GULP1: variants seen among roughly 807,000 people sequenced by gnomAD.
The protein encoded by GULP1 is PTB domain-containing engulfment adapter protein 1.
A neutral mutation model predicts 40.9 loss-of-function variants in GULP1; 19 were observed. The observed-to-expected ratio is 0.46, with a 90% confidence interval of 0.32 to 0.68. GULP1 has a LOEUF of 0.68. GULP1 is among the 30% of genes least tolerant of loss of function. The pLI, the probability that GULP1 is intolerant of heterozygous loss-of-function variation, is 0.03. For synonymous variants in GULP1, 119 were observed against 117.6 expected (o/e 1.01, Z -0.08); for missense variants, 312 against 362.2 (o/e 0.86, Z 1.12).
chr2:188,555,784 G>A (rs1425763202), intron 7 of GULP1, among the ~76,000 whole-genome samples: 2 of 152,042 alleles, frequency 1.3e-5, no homozygotes, highest in East Asian at 3.9e-4. Flanking sequence ...ATCTAGGCTG[G>A]GTGTGGTGGC....
At chr2:188,504,043 C>T (rs1354502424) in intron 4 of GULP1, among the ~76,000 whole-genome samples, 3 of 151,768 alleles carry the variant, frequency 2.0e-5, no homozygotes, top group South Asian at 2.1e-4. Flanking sequence ...TGATAATTAC[C>T]ATTCCTTAAT....
chr2:188,351,692 A>G (rs1403214360), intron 1 of GULP1, among the ~76,000 whole-genome samples: 4 of 152,188 alleles, frequency 2.6e-5, no homozygotes, highest in African/African-American at 9.7e-5. Flanking sequence ...TTATACATTC[A>G]TTAGCTTTAT....
intron 2 of GULP1, among the ~76,000 whole-genome samples, chr2:188,387,533 A>G (rs115522695): frequency 1.8e-3 from 279 of 152,282 alleles, no homozygotes; most frequent in Non-Finnish European, 3.5e-3. Flanking sequence ...AAAGAAGTAA[A>G]ATAATAGGGC....
At chr2:188,293,160 G>T (rs2034157615) in intron 1 of GULP1, 1 of 152,410 alleles carries the variant, frequency 6.6e-6, no homozygotes, top group South Asian at 2.1e-4. Context: ...GGGTCCACTT[G>T]GTACGCTGGG....
At chr2:188,517,091 T>C (rs1250310319) in intron 4 of GULP1, among the ~76,000 whole-genome samples, 1 of 152,170 alleles carries the variant, frequency 6.6e-6, no homozygotes, top group Non-Finnish European at 1.5e-5. Flanking sequence ...GGGAAATTTG[T>C]TTTTTCAGTG....
At chr2:188,498,279 AGTTGCATTTCT>A (rs1559311172) in intron 4 of GULP1, among the ~76,000 whole-genome samples, 1 of 151,904 alleles carries the variant, frequency 6.6e-6, no homozygotes, top group African/African-American at 2.4e-5. Flanking sequence ...ACACTACTTC[AGTTGCATTTCT>A]GGGTGACAGA....
chr2:188,504,419 A>G (rs2063716907), intron 4 of GULP1, among the ~76,000 whole-genome samples: 1 of 151,922 alleles, frequency 6.6e-6, no homozygotes, highest in South Asian at 2.1e-4. Context: ...TTCAAGCCTA[A>G]TAATTATTTC....
chr2:188,375,196 C>G (rs1267689464), intron 1 of GULP1, among the ~76,000 whole-genome samples: 1 of 152,128 alleles, frequency 6.6e-6, no homozygotes, highest in African/African-American at 2.4e-5. Context: ...TTTTACCGAG[C>G]AGTGTATGTA....
At chr2:188,561,126 G>A (rs1188522202) in intron 7 of GULP1, among the ~76,000 whole-genome samples, 1 of 152,204 alleles carries the variant, frequency 6.6e-6, no homozygotes, top group Admixed American at 6.5e-5. Context: ...CTGGGGACTG[G>A]GACGTTAAGC....
chr2:188,402,562 A>G (rs747214929), intron 2 of GULP1, among the ~76,000 whole-genome samples: 3 of 152,074 alleles, frequency 2.0e-5, no homozygotes, highest in Non-Finnish European at 2.9e-5. Context: ...TTAGATTTCA[A>G]TAGAGATTTG....
chr2:188,340,898 G>A (rs371203282), intron 1 of GULP1, among the ~76,000 whole-genome samples: 4 of 152,052 alleles, frequency 2.6e-5, no homozygotes, highest in East Asian at 1.9e-4. Flanking sequence ...CTGAAGTCAC[G>A]CCATCAAGCC....
intron 1 of GULP1, among the ~76,000 whole-genome samples, chr2:188,343,588 T>C (rs1426187565): frequency 1.3e-5 from 2 of 152,202 alleles, no homozygotes; most frequent in Non-Finnish European, 2.9e-5. Context: ...TATACAGATG[T>C]ATTTACCTGT....
At chr2:188,440,376 G>C (rs929724159) in intron 2 of GULP1, among the ~76,000 whole-genome samples, 3 of 152,120 alleles carry the variant, frequency 2.0e-5, no homozygotes, top group African/African-American at 7.2e-5. Flanking sequence ...AGTTACCAAT[G>C]GGGAATACCT....
chr2:188,332,362 G>A (rs2152063324), intron 1 of GULP1, among the ~76,000 whole-genome samples: 1 of 152,054 alleles, frequency 6.6e-6, no homozygotes, highest in South Asian at 2.1e-4. Flanking sequence ...GCTAATTTTT[G>A]TATTTTTAGT....
intron 6 of GULP1, among the ~76,000 whole-genome samples, chr2:188,538,237 A>T (rs1250384846): frequency 6.6e-6 from 1 of 151,700 alleles, no homozygotes; most frequent in Non-Finnish European, 1.5e-5. Flanking sequence ...GGGTTAGTTG[A>T]TATTTGTTCT....
At chr2:188,413,132 A>G (rs1315335831) in intron 2 of GULP1, among the ~76,000 whole-genome samples, 3 of 152,206 alleles carry the variant, frequency 2.0e-5, no homozygotes, top group Admixed American at 6.5e-5. Flanking sequence ...GTTATGATTT[A>G]TGCATATTGC....
intron 9 of GULP1, among the ~76,000 whole-genome samples, chr2:188,574,291 A>T (rs1559395508): frequency 6.6e-6 from 1 of 152,168 alleles, no homozygotes; most frequent in Non-Finnish European, 1.5e-5. Context: ...GAAGTAGAAG[A>T]TGAAGCCAGA....
chr2:188,315,911 C>T (rs7562160), intron 1 of GULP1, among the ~76,000 whole-genome samples: 14,060 of 151,774 alleles, frequency 0.093, 1,081 homozygotes, highest in African/African-American at 0.2. Flanking sequence ...AATTGAGCCA[C>T]AGAAAGCAAA....
intron 2 of GULP1, among the ~76,000 whole-genome samples, chr2:188,467,995 A>G (rs1157089274): frequency 6.6e-6 from 1 of 152,188 alleles, no homozygotes; most frequent in African/African-American, 2.4e-5. Context: ...TTTCCTTACT[A>G]GAGTCCATTT....
Sources: gnomAD v4.1 joint callset for allele counts (sites outside exome capture counted in the v4.1 genomes callset) on GRCh38, gnomAD v4.1.1 for gene constraint, MANE v1.5 for transcripts, NCBI Gene and HGNC (gene_info 2026-07-23, HGNC 2026-07-21) for gene names.